TEF: variants seen among roughly 807,000 people sequenced by gnomAD.
TEF encodes the protein TEF transcription factor, PAR bZIP family member, also known as thyrotroph embryonic factor.
Under a neutral mutation model 20.8 loss-of-function variants are expected in TEF, and 3 were observed. The observed-to-expected ratio is 0.14, with a 90% CI of 0.07 to 0.37. TEF has a LOEUF of 0.37. Among genes scored for constraint, TEF ranks in the 10% least tolerant of loss-of-function variants. The pLI is 1.00. For synonymous variants in TEF, 180 were observed against 171.1 expected (o/e 1.05, Z -0.41); for missense variants, 296 against 397.9 (o/e 0.74, Z 2.18).
rs2037260706 is a variant in TEF at position 41,398,819 on chromosome 22, AC to A, written c.*2863del. The A allele has an allele frequency of 6.6e-6, 1 of 151,214 alleles. No individual in the cohort carries two copies. Among genetic ancestry groups the A allele is most frequent in the Non-Finnish European group, 1.5e-5 (1 of 67,738 alleles). 9.4% of individuals were successfully genotyped at this position (151,214 alleles called of 1,614,324 possible). On this transcript the variant is annotated 3_prime_UTR_variant, in exon 4 of 4. Coordinates refer to ENST00000266304, the MANE Select transcript of TEF (RefSeq NM_003216.4). ...GAGGCATGCAAGCCAGTGGGGGAAA[AC>A]CCCTCTGAAGCTGGGCAGCCCTCTA...
upstream of TEF, among the ~76,000 whole-genome samples, chr22:41,381,168 G>C (rs1873038275): frequency 6.6e-6 from 1 of 152,254 alleles, no homozygotes; most frequent in South Asian, 2.1e-4. Flanking sequence ...CCTACGACTT[G>C]GCAGGTCGCG....
At chr22:41,368,249 G>A (rs2145956084) in intron 1 of TEF, among the ~76,000 whole-genome samples, 1 of 151,326 alleles carries the variant, frequency 6.6e-6, no homozygotes, top group East Asian at 1.9e-4. Context: ...GTTTGGCGGA[G>A]AATACTGATA....
chr22:41,389,391 ACTCCAT>A (rs1352097587), intron 2 of TEF, among the ~76,000 whole-genome samples: 1 of 150,428 alleles, frequency 6.6e-6, no homozygotes, highest in Non-Finnish European at 1.5e-5. Flanking sequence ...ACAGAGCAAG[ACTCCAT>A]CTCAAAGAAA....
chr22:41,382,244 T>C (rs1292519321), intron 1 of TEF, 43 bp downstream of exon 1: 5 of 1,054,520 alleles, frequency 4.7e-6, no homozygotes, highest in Non-Finnish European at 5.9e-6. Flanking sequence ...GGGCGGGGCT[T>C]ATACAGGGGC....
In TEF at chr22:41,382,195, C is replaced by G. The variant is rs1322616609; in HGVS notation, c.151C>G (p.Arg51Gly). The change falls in exon 1 of 4, where the codon CGC becomes GGC. Residue 51 changes from arginine (R) to glycine (G), a missense_variant. Transcript: ENST00000266304. The stretch of plus-strand genomic sequence containing the variant: ...GATGGAGAACCCCCCGCGCGAGGCG[C>G]GCCTCGGTGAGGGCGGGGGGGTGGT... ...KLMENPPREA[R>G]LDKEKGKEKL... 43 of 1,202,788 alleles carry G rather than the reference C, an allele frequency of 3.6e-5. No individual in the cohort carries two copies. Among genetic ancestry groups the G allele is most frequent in the Admixed American group, 4.3e-5 (1 of 23,014 alleles). The allele number at this position is 1,202,788 out of a possible 1,614,324, so 74.5% of individuals were successfully genotyped here.
chr22:41,392,333 A>G (rs542851370), intron 2 of TEF, among the ~76,000 whole-genome samples: 6 of 152,146 alleles, frequency 3.9e-5, no homozygotes, highest in Non-Finnish European at 8.8e-5. Context: ...TGGGAAAACC[A>G]TTTTATTTCT....
In TEF at chr22:41,398,996, A is replaced by G. The variant is rs927332409; in HGVS notation, c.*3036A>G. On this transcript the variant is annotated 3_prime_UTR_variant, in exon 4 of 4. Coordinates refer to ENST00000266304, the MANE Select transcript of TEF (RefSeq NM_003216.4). ...AATGGCAAAGATGACTTCCAGGTGG[A>G]TATTGCTCTCTTACGGTGTTGGGGA... 2 of 152,678 alleles carry G rather than the reference A, an allele frequency of 1.3e-5. No homozygotes were observed. Among genetic ancestry groups the G allele is most frequent in the Admixed American group, 1.3e-4 (2 of 15,280 alleles). 9.5% of individuals were successfully genotyped at this position (152,678 alleles called of 1,614,324 possible). A position where few individuals can be genotyped will look rare whatever the true frequency, so the allele number is the denominator to read the frequency against.
At chr22:41,388,471 G>A (rs919880655) in intron 2 of TEF, among the ~76,000 whole-genome samples, 4 of 151,550 alleles carry the variant, frequency 2.6e-5, no homozygotes, top group Non-Finnish European at 4.4e-5. Context: ...ATCGACCTAC[G>A]TTGGCCTCCC....
chr22:41,379,262 C>T (rs565346917), upstream of TEF, among the ~76,000 whole-genome samples: 81 of 152,168 alleles, frequency 5.3e-4, no homozygotes, highest in African/African-American at 1.9e-3. Flanking sequence ...GGCGGGAAGC[C>T]GGGAGGCAGC....
At position 41,382,211 on chromosome 22, in the gene TEF, G is replaced by A. The variant is rs868196209; in HGVS notation, c.157+10G>A. On this transcript the variant is annotated intron_variant, in intron 1 of 3. Coordinates refer to ENST00000266304, the MANE Select transcript of TEF (RefSeq NM_003216.4). ...CGCGAGGCGCGCCTCGGTGAGGGCG[G>A]GGGGGTGGTCCGCGCGGGCTGGGGG... 6 of 1,230,902 alleles carry A rather than the reference G, an allele frequency of 4.9e-6. No homozygotes were observed. Among genetic ancestry groups the A allele is most frequent in the East Asian group, 6.3e-5 (2 of 31,650 alleles). The allele number at this position is 1,230,902 out of a possible 1,614,324, so 76.2% of individuals were successfully genotyped here.
At chr22:41,394,026 C>T (rs1251338928) in intron 2 of TEF, 70 bp from the exon 3 acceptor site, 10 of 1,438,774 alleles carry the variant, frequency 7.0e-6, no homozygotes. Context: ...AACCAGGTGT[C>T]TGGGTGTGTG....
At chr22:41,391,991 C>T (rs953589232) in intron 2 of TEF, among the ~76,000 whole-genome samples, 12 of 152,318 alleles carry the variant, frequency 7.9e-5, no homozygotes, top group Non-Finnish European at 4.4e-5. Flanking sequence ...AATAACATTT[C>T]ATGCAGGCAG....
At chr22:41,368,142 C>T (rs910701023) in intron 1 of TEF, among the ~76,000 whole-genome samples, 1 of 152,064 alleles carries the variant, frequency 6.6e-6, no homozygotes, top group Admixed American at 6.6e-5. Flanking sequence ...GCAAAACGCG[C>T]GAGGGAGGAG....
At chr22:41,382,338 G>T in intron 1 of TEF, 137 bp downstream of exon 1, 1 of 792,754 alleles carries the variant, frequency 1.3e-6, no homozygotes, top group South Asian at 6.0e-5. Flanking sequence ...GGATGACCAG[G>T]AGCCTGGAGG....
chr22:41,373,329 C>T (rs1388718843), intron 1 of TEF, among the ~76,000 whole-genome samples: 8 of 152,086 alleles, frequency 5.3e-5, no homozygotes, highest in African/African-American at 4.8e-5. Flanking sequence ...AATGCTGCCC[C>T]GCCATGCAGT....
At chr22:41,385,002 G>C (rs886696614) in intron 1 of TEF, among the ~76,000 whole-genome samples, 7 of 152,048 alleles carry the variant, frequency 4.6e-5, no homozygotes, top group African/African-American at 1.7e-4. Flanking sequence ...TGATTTGCCC[G>C]CCTCGGACTC....
At position 41,396,742 on chromosome 22, in the gene TEF, G is replaced by A; in HGVS notation, c.*782G>A. 2.5e-6 allele frequency: 1 copy of A among 392,912 alleles called. No individual in the cohort carries two copies. The highest frequency in any genetic ancestry group is 4.5e-6 in the Non-Finnish European group (1 of 223,070). The allele number at this position is 392,912 out of a possible 1,614,324, so 24.3% of individuals were successfully genotyped here. A position where few individuals can be genotyped will look rare whatever the true frequency, so the allele number is the denominator to read the frequency against. Reference sequence around the variant, plus strand: ...AGAGGCCTCTTCATTTCCTCTCCAGGCTACTCAGAGGCCATGTGAAGCTCG... The same window carrying A: ...AGAGGCCTCTTCATTTCCTCTCCAGACTACTCAGAGGCCATGTGAAGCTCG... On this transcript the variant is annotated 3_prime_UTR_variant, in exon 4 of 4. Coordinates refer to ENST00000266304, the MANE Select transcript of TEF (RefSeq NM_003216.4).
At chr22:41,380,483 A>G (rs568184004), upstream of TEF, among the ~76,000 whole-genome samples, 3 of 152,312 alleles carry the variant, frequency 2.0e-5, no homozygotes, top group East Asian at 1.9e-4. Flanking sequence ...CATCAGCTTG[A>G]TAACTTTTAG....
chr22:41,387,281 C>T, intron 1 of TEF, 70 bp from the exon 2 acceptor site: 1 of 1,541,288 alleles, frequency 6.5e-7, no homozygotes, highest in Non-Finnish European at 8.9e-7. Flanking sequence ...GCCTGTGAGG[C>T]TCACTGCCCA....
Sources: gnomAD v4.1 joint callset for allele counts (sites outside exome capture counted in the v4.1 genomes callset) on GRCh38, gnomAD v4.1.1 for gene constraint, MANE v1.5 for transcripts, NCBI Gene and HGNC (gene_info 2026-07-23, HGNC 2026-07-21) for gene names.